Variants in FHOD3 observed in about 807,000 individuals in gnomAD.
FHOD3 encodes formin homology 2 domain containing 3, also known as FH1/FH2 domain-containing protein 3.
A neutral mutation model predicts 173.0 loss-of-function variants in FHOD3; 90 were observed. The observed-to-expected ratio is 0.52, with a 90% confidence interval of 0.44 to 0.62. The LOEUF is 0.62. Among genes scored for constraint, FHOD3 ranks in the 20% least tolerant of loss-of-function variants. FHOD3 has a pLI of 0.00. For synonymous variants in FHOD3, 828 were observed against 823.0 expected (o/e 1.01, Z -0.10); for missense variants, 1,945 against 2,034.7 (o/e 0.96, Z 0.85).
chr18:36,545,728 G>T (rs926455571), intron 5 of FHOD3, among the ~76,000 whole-genome samples: 5 of 152,206 alleles, frequency 3.3e-5, no homozygotes, highest in Admixed American at 3.3e-4. Flanking sequence ...TAAGTGGAAA[G>T]TAGACATTTG....
chr18:36,540,149 G>A (rs1162828043), intron 5 of FHOD3, among the ~76,000 whole-genome samples: 1 of 152,158 alleles, frequency 6.6e-6, no homozygotes, highest in East Asian at 1.9e-4. Context: ...CCTTTAAGAG[G>A]GGAAAATTCT....
intron 3 of FHOD3, among the ~76,000 whole-genome samples, chr18:36,375,506 C>T (rs558738003): frequency 1.6e-4 from 24 of 152,330 alleles, no homozygotes; most frequent in African/African-American, 4.3e-4. Context: ...ATGCTTTCCT[C>T]ACCCTACATT....
intron 5 of FHOD3, among the ~76,000 whole-genome samples, chr18:36,542,421 C>T (rs2075413034): frequency 6.6e-6 from 1 of 151,902 alleles, no homozygotes; most frequent in South Asian, 2.1e-4. Context: ...CAGTAGATGG[C>T]CTTTTAATAC....
chr18:36,720,741 CCTCCTTCTTCTCCTCCTG>C (rs1230379463), intron 19 of FHOD3, among the ~76,000 whole-genome samples: 2 of 150,452 alleles, frequency 1.3e-5, no homozygotes, highest in Non-Finnish European at 3.0e-5. Flanking sequence ...TTCTTCTCCT[CCTCCTTCTTCTCCTCCTG>C]CTCCTTCTCC....
At chr18:36,653,009 G>C in intron 12 of FHOD3, 80 bp downstream of exon 12, 3 of 1,443,846 alleles carry the variant, frequency 2.1e-6, no homozygotes, top group Non-Finnish European at 1.8e-6. Context: ...CCCTTGGCTT[G>C]GCTTCTGCCA....
intron 13 of FHOD3, among the ~76,000 whole-genome samples, chr18:36,654,765 T>C (rs1418057267): frequency 2.0e-5 from 3 of 152,198 alleles, no homozygotes; most frequent in Non-Finnish European, 4.4e-5. Context: ...AGGAATTCCC[T>C]CAGGAGTGAT....
At chr18:36,386,814 T>C (rs775981959) in intron 3 of FHOD3, among the ~76,000 whole-genome samples, 3 of 152,028 alleles carry the variant, frequency 2.0e-5, no homozygotes, top group East Asian at 1.9e-4. Flanking sequence ...TCAGGACTCA[T>C]AGGGCCTCCA....
intron 5 of FHOD3, among the ~76,000 whole-genome samples, chr18:36,560,977 C>T (rs1353548115): frequency 6.6e-6 from 1 of 151,996 alleles, no homozygotes; most frequent in Non-Finnish European, 1.5e-5. Flanking sequence ...CCCCATACCC[C>T]AACCCTCATG....
chr18:36,401,770 C>A (rs2048821327), intron 3 of FHOD3, among the ~76,000 whole-genome samples: 2 of 152,202 alleles, frequency 1.3e-5, no homozygotes, highest in Non-Finnish European at 2.9e-5. Context: ...CTTAACCTGG[C>A]CCCTCATGTT....
At chr18:36,760,035 T>C (rs1305392350) in intron 26 of FHOD3, among the ~76,000 whole-genome samples, 1 of 152,228 alleles carries the variant, frequency 6.6e-6, no homozygotes, top group South Asian at 2.1e-4. Context: ...CCACATATTC[T>C]TGAAGGGCCT....
intron 13 of FHOD3, 49 bp from the exon 14 acceptor site, chr18:36,658,026 C>A: frequency 7.3e-7 from 1 of 1,369,026 alleles, no homozygotes; most frequent in Non-Finnish European, 1.0e-6. Context: ...CTGACTTGTA[C>A]TTATTTCTCT....
chr18:36,511,337 A>G (rs2055631098), intron 4 of FHOD3, among the ~76,000 whole-genome samples: 1 of 151,532 alleles, frequency 6.6e-6, no homozygotes, highest in Non-Finnish European at 1.5e-5. Context: ...GGGTCTGGCT[A>G]GTTAAATGAT....
chr18:36,544,412 A>G (rs1215578191), intron 5 of FHOD3: 1 of 152,332 alleles, frequency 6.6e-6, no homozygotes, highest in Admixed American at 6.5e-5. Context: ...GTCTGTGGGT[A>G]AATGCTTTAT....
chr18:36,429,518 T>C (rs1436093800), intron 3 of FHOD3, among the ~76,000 whole-genome samples: 10 of 152,174 alleles, frequency 6.6e-5, no homozygotes, highest in Admixed American at 5.9e-4. Flanking sequence ...AGTCTTCATT[T>C]TTATTTGCCA....
At chr18:36,313,413 A>T (rs2092301148) in intron 1 of FHOD3, among the ~76,000 whole-genome samples, 2 of 152,230 alleles carry the variant, frequency 1.3e-5, no homozygotes, top group South Asian at 4.1e-4. Context: ...CCAGGAACCT[A>T]AAGAATTATC....
chr18:36,705,412 C>T (rs1015113885), intron 17 of FHOD3, among the ~76,000 whole-genome samples: 5 of 152,208 alleles, frequency 3.3e-5, no homozygotes, highest in East Asian at 3.8e-4. Flanking sequence ...CAGAGACTTA[C>T]GTTCCAGGCC....
In FHOD3 at chr18:36,455,778, C is replaced by G. The variant is rs56741820; in HGVS notation, c.338-46154C>G. Among the ~76,000 whole-genome samples the G allele has an allele frequency of 3.8e-3, 583 of 152,268 alleles. 5 individuals are homozygous for G. Among genetic ancestry groups the G allele is most frequent in the African/African-American group, 0.013 (553 of 41,516 alleles). On this transcript the variant is annotated intron_variant, in intron 3 of 28. Coordinates refer to ENST00000590592, the MANE Select transcript of FHOD3 (RefSeq NM_001281740.3). Reference sequence around the variant, plus strand: ...GCACATGCTTTGATTCTGGCTGCAGCTACCCTAAGTGGAGAATTCATAAAC... The same window carrying G: ...GCACATGCTTTGATTCTGGCTGCAGGTACCCTAAGTGGAGAATTCATAAAC...
At chr18:36,660,764 A>G (rs2036740303) in intron 14 of FHOD3, among the ~76,000 whole-genome samples, 1 of 152,184 alleles carries the variant, frequency 6.6e-6, no homozygotes, top group Non-Finnish European at 1.5e-5. Flanking sequence ...TGGACTCAGC[A>G]GTCCTTGGCT....
chr18:36,505,846 A>AG (rs2055272478), intron 4 of FHOD3, among the ~76,000 whole-genome samples: 1 of 152,232 alleles, frequency 6.6e-6, no homozygotes, highest in Admixed American at 6.5e-5. Flanking sequence ...TGCCAAGGAC[A>AG]GAATAACCAT....
Sources: allele counts gnomAD v4.1 joint callset (sites outside exome capture counted in the v4.1 genomes callset), GRCh38; gene constraint gnomAD v4.1.1; transcripts MANE v1.5; gene names NCBI Gene and HGNC (gene_info 2026-07-23, HGNC 2026-07-21).